The following PDE4D variants were observed in gnomAD, a reference collection of about 807,000 sequenced individuals.
PDE4D encodes 3',5'-cyclic-AMP phosphodiesterase 4D.
PDE4D carries 24 observed loss-of-function variants against 87.4 expected under a neutral mutation model. The ratio of observed to expected loss-of-function variants is 0.27; its 90% CI spans 0.20 to 0.39. PDE4D has a LOEUF of 0.39. Among genes scored for constraint, PDE4D ranks in the 10% least tolerant of loss-of-function variants. The pLI, the probability that PDE4D is intolerant of heterozygous loss-of-function variation, is 1.00. For synonymous variants in PDE4D, 384 were observed against 383.2 expected, an observed-to-expected ratio of 1.00 and a Z score of -0.02; for missense variants, 714 against 1,041.0, an observed-to-expected ratio of 0.69 and a Z score of 4.32.
At chr5:59,643,840 T>C (rs1251742571) in intron 1 of PDE4D, among the ~76,000 whole-genome samples, 1 of 152,258 alleles carries the variant, frequency 6.6e-6, no homozygotes, top group Non-Finnish European at 1.5e-5. Context: ...CATGTGACTT[T>C]AATCATTGGC....
intron 1 of PDE4D, among the ~76,000 whole-genome samples, chr5:60,482,785 G>A (rs1748834170): frequency 6.6e-6 from 1 of 152,100 alleles, no homozygotes; most frequent in Non-Finnish European, 1.5e-5. Context: ...TCCTGGAATG[G>A]TACAACTTTA....
chr5:59,145,353 G>C (rs1379866702), intron 5 of PDE4D, among the ~76,000 whole-genome samples: 1 of 152,074 alleles, frequency 6.6e-6, no homozygotes, highest in Admixed American at 6.5e-5. Flanking sequence ...TCTGGTTCTT[G>C]GTGCTTCTCT....
intron 1 of PDE4D, among the ~76,000 whole-genome samples, chr5:59,620,311 A>G (rs543839713): frequency 1.6e-4 from 25 of 152,216 alleles, no homozygotes; most frequent in African/African-American, 6.0e-4. Flanking sequence ...GAGATCACAC[A>G]GGTGGATTAA....
At chr5:59,701,390 T>C (rs1034906947) in intron 1 of PDE4D, among the ~76,000 whole-genome samples, 1 of 152,182 alleles carries the variant, frequency 6.6e-6, no homozygotes, top group Non-Finnish European at 1.5e-5. Flanking sequence ...CTAAATTCCC[T>C]GAGAAAAGGT....
intron 3 of PDE4D, among the ~76,000 whole-genome samples, chr5:59,928,501 C>T (rs1755527238): frequency 6.6e-6 from 1 of 152,018 alleles, no homozygotes; most frequent in South Asian, 2.1e-4. Flanking sequence ...TCACTTGAAC[C>T]CAGGCGGTGG....
At chr5:59,522,019 T>TA (rs902548366) in intron 1 of PDE4D, among the ~76,000 whole-genome samples, 10 of 152,186 alleles carry the variant, frequency 6.6e-5, no homozygotes, top group Admixed American at 4.6e-4. Context: ...CATTGAGATT[T>TA]AAAAAAAACT....
chr5:59,664,444 T>A (rs1034735025), intron 1 of PDE4D, among the ~76,000 whole-genome samples: 2 of 152,248 alleles, frequency 1.3e-5, no homozygotes, highest in Non-Finnish European at 2.9e-5. Context: ...CTTTCATATA[T>A]ATTATTTCAT....
chr5:60,298,974 C>T lies in PDE4D; in HGVS notation c.-89-113287G>A, dbSNP rs1583340679. Among the ~76,000 whole-genome samples the T allele has an allele frequency of 2.0e-5, 3 of 152,052 alleles. No homozygotes were observed. In the South Asian group the frequency reaches 6.2e-4, roughly 32 times the overall value. On this transcript the variant is annotated intron_variant, in intron 1 of 16. Coordinates refer to the PDE4D transcript ENST00000502484. ...GTTTCACTTATTCTTTTGAGGGATT[C>T]TTATCTCAAAAAAAAGGAAGAAAGG... is the stretch of plus-strand genomic sequence containing the variant.
In PDE4D at chr5:60,459,925, TC is replaced by T. The variant is rs1451456218; in HGVS notation, c.-90+28016del. The T allele has an allele frequency of 5.7e-6, 4 of 706,608 alleles. No homozygotes were observed. In the African/African-American group the frequency reaches 7.1e-5, roughly 12 times the overall value. 43.8% of individuals were successfully genotyped at this position (706,608 alleles called of 1,614,324 possible). On this transcript the variant is annotated intron_variant, in intron 1 of 16. Transcript: ENST00000502484. ...ATCTTCACCTTCATCTTCATTGTCT[TC>T]TTCATTAGTATCTTTTTATCCTTCC...
chr5:60,300,906 G>T (rs950205353), intron 1 of PDE4D, among the ~76,000 whole-genome samples: 6 of 152,076 alleles, frequency 3.9e-5, no homozygotes, highest in African/African-American at 1.4e-4. Context: ...GAGTACCTGG[G>T]ATTACAGGTG....
intron 1 of PDE4D, among the ~76,000 whole-genome samples, chr5:60,402,571 T>A (rs2150049210): frequency 6.6e-6 from 1 of 152,342 alleles, no homozygotes; most frequent in Admixed American, 6.5e-5. Flanking sequence ...TGGCAGTCCG[T>A]GGTTGCACCA....
intron 2 of PDE4D, among the ~76,000 whole-genome samples, chr5:60,049,145 C>T (rs1255143072): frequency 6.6e-6 from 1 of 152,160 alleles, no homozygotes; most frequent in Non-Finnish European, 1.5e-5. Context: ...CCTTTTCTTC[C>T]AGTTGATTGC....
intron 2 of PDE4D, among the ~76,000 whole-genome samples, chr5:60,030,321 G>C (rs955458419): frequency 3.9e-5 from 6 of 152,184 alleles, no homozygotes; most frequent in Admixed American, 1.3e-4. Context: ...GCGGTGGCGG[G>C]CACCTGTAGT....
chr5:59,400,623 A>G (rs1195316923), intron 1 of PDE4D, among the ~76,000 whole-genome samples: 3 of 150,434 alleles, frequency 2.0e-5, no homozygotes, highest in Non-Finnish European at 3.0e-5. Context: ...TGGGAGATAT[A>G]CTTAATGCTA....
At chr5:60,192,696 T>C (rs989300581) in intron 1 of PDE4D, among the ~76,000 whole-genome samples, 1 of 152,186 alleles carries the variant, frequency 6.6e-6, no homozygotes, top group African/African-American at 2.4e-5. Flanking sequence ...TAAAAAGTTA[T>C]GCACAGAGAA....
At chr5:59,267,712 T>C (rs1763079005) in intron 1 of PDE4D, among the ~76,000 whole-genome samples, 1 of 152,126 alleles carries the variant, frequency 6.6e-6, no homozygotes, top group African/African-American at 2.4e-5. Flanking sequence ...AGAAGATTTG[T>C]ATTAGATATA....
intron 5 of PDE4D, among the ~76,000 whole-genome samples, chr5:59,115,281 AG>A (rs1358978358): frequency 6.6e-6 from 1 of 152,232 alleles, no homozygotes; most frequent in Non-Finnish European, 1.5e-5. Context: ...TTGTCCAGAC[AG>A]GATGCGCTCA....
At chr5:59,902,489 T>C (rs1752382733) in intron 3 of PDE4D, among the ~76,000 whole-genome samples, 1 of 152,098 alleles carries the variant, frequency 6.6e-6, no homozygotes, top group African/African-American at 2.4e-5. Flanking sequence ...GGTTATGCAA[T>C]TCATGAAATT....
intron 1 of PDE4D, among the ~76,000 whole-genome samples, chr5:59,337,323 T>TTCC (rs1777841252): frequency 8.2e-6 from 1 of 122,484 alleles, no homozygotes; most frequent in Non-Finnish European, 1.7e-5. Flanking sequence ...ATTCATAAGT[T>TTCC]CCCCCCCCCC....
Sources: gnomAD v4.1 joint callset for allele counts (sites outside exome capture counted in the v4.1 genomes callset) on GRCh38, gnomAD v4.1.1 for gene constraint, MANE v1.5 for transcripts, NCBI Gene and HGNC (gene_info 2026-07-23, HGNC 2026-07-21) for gene names.